The following CLASP2 variants were observed in gnomAD, a reference collection of about 807,000 sequenced individuals.
CLASP2 encodes cytoplasmic linker associated protein 2.
A neutral mutation model predicts 194.4 loss-of-function variants in CLASP2; 47 were observed. That is an observed-to-expected ratio of 0.24 (90% CI 0.19 to 0.31). The LOEUF is 0.31. Among genes scored for constraint, CLASP2 ranks in the 10% least tolerant of loss-of-function variants. The probability of loss-of-function intolerance (pLI) is 1.00; values close to 1 mark genes in which losing one functional copy is unlikely to be tolerated. For synonymous variants in CLASP2, 619 were observed against 633.5 expected (o/e 0.98, Z 0.34); for missense variants, 1,445 against 1,823.6 (o/e 0.79, Z 3.78).
At chr3:33,677,128 T>C (rs1439691744) in intron 6 of CLASP2, among the ~76,000 whole-genome samples, 4 of 152,012 alleles carry the variant, frequency 2.6e-5, no homozygotes, top group African/African-American at 4.8e-5. Context: ...AGTTCAACCA[T>C]TGTGGAAGTC....
At chr3:33,635,923 T>C (rs979344178) in intron 8 of CLASP2, among the ~76,000 whole-genome samples, 3 of 151,852 alleles carry the variant, frequency 2.0e-5, no homozygotes, top group Middle Eastern at 3.2e-3. Context: ...TTTCAAGTAA[T>C]TGAGGAAAAT....
intron 36 of CLASP2, 77 bp from the exon 37 acceptor site, chr3:33,510,841 A>C: frequency 7.9e-7 from 1 of 1,266,180 alleles, no homozygotes; most frequent in Non-Finnish European, 1.1e-6. Flanking sequence ...AAACTTCATG[A>C]AGTATTCAAT....
intron 30 of CLASP2, among the ~76,000 whole-genome samples, chr3:33,546,248 T>C (rs189992704): frequency 2.6e-5 from 4 of 152,344 alleles, no homozygotes; most frequent in Admixed American, 2.0e-4. Context: ...CCTTTCCTCA[T>C]GACTTGAAGT....
chr3:33,713,771 T>C (rs2093153032), intron 1 of CLASP2, among the ~76,000 whole-genome samples: 1 of 152,030 alleles, frequency 6.6e-6, no homozygotes, highest in Admixed American at 6.6e-5. Context: ...GCAGTCTCAA[T>C]ATCCTGGGCT....
chr3:33,705,115 T>C (rs1169135243), intron 1 of CLASP2, among the ~76,000 whole-genome samples: 2 of 152,208 alleles, frequency 1.3e-5, no homozygotes, highest in Non-Finnish European at 2.9e-5. Context: ...ACTGCAGCAT[T>C]ATTCACAATA....
intron 6 of CLASP2, chr3:33,683,289 T>C (rs1424663082): frequency 6.6e-6 from 1 of 152,166 alleles, no homozygotes; most frequent in Non-Finnish European, 1.5e-5. Flanking sequence ...TAAATGGTGA[T>C]AACATATATA....
intron 18 of CLASP2, among the ~76,000 whole-genome samples, 160 bp from the exon 19 acceptor site, chr3:33,596,894 C>A (rs1223644547): frequency 6.6e-6 from 1 of 152,104 alleles, no homozygotes; most frequent in Non-Finnish European, 1.5e-5. Flanking sequence ...GGAAATTAAA[C>A]CAGATGTGAG....
At chr3:33,673,377 C>G (rs930273960) in intron 6 of CLASP2, among the ~76,000 whole-genome samples, 1 of 152,174 alleles carries the variant, frequency 6.6e-6, no homozygotes, top group African/African-American at 2.4e-5. Context: ...AAATACTTTA[C>G]AGACAAGCAA....
intron 20 of CLASP2, among the ~76,000 whole-genome samples, chr3:33,594,240 A>C (rs1225069420): frequency 6.6e-6 from 1 of 152,178 alleles, no homozygotes; most frequent in Non-Finnish European, 1.5e-5. Flanking sequence ...TAAAAAAGTT[A>C]ATCTATTTGG....
chr3:33,498,427 A>C lies in CLASP2; in HGVS notation c.*204T>G. On this transcript the variant is annotated 3_prime_UTR_variant, in exon 39 of 39. Coordinates refer to ENST00000682230, the MANE Select transcript of CLASP2 (RefSeq NM_001365631.1). ...TTGATGTTAATACTGCTTCTTCTTG[A>C]ATTTGGAATAACTATCATAAAAGTT... The C allele has an allele frequency of 2.3e-6, 1 of 439,420 alleles. No homozygotes were observed. The highest frequency in any genetic ancestry group is 5.9e-4 in the Middle Eastern group (1 of 1,682). 27.2% of individuals were successfully genotyped at this position (439,420 alleles called of 1,614,324 possible).
At chr3:33,528,271 G>C (rs1479352598) in intron 34 of CLASP2, among the ~76,000 whole-genome samples, 1 of 152,128 alleles carries the variant, frequency 6.6e-6, no homozygotes, top group Non-Finnish European at 1.5e-5. Context: ...CAATAAGCTA[G>C]GTATTGAAGG....
chr3:33,651,612 C>T (rs1000019282), intron 7 of CLASP2, among the ~76,000 whole-genome samples: 16 of 149,136 alleles, frequency 1.1e-4, no homozygotes, highest in Non-Finnish European at 1.8e-4. Flanking sequence ...TTTCTCACTT[C>T]GGGAAAGACA....
chr3:33,577,970 A>G (rs1345310605), intron 23 of CLASP2, among the ~76,000 whole-genome samples: 1 of 152,222 alleles, frequency 6.6e-6, no homozygotes, highest in Non-Finnish European at 1.5e-5. Flanking sequence ...CTGTCATTTA[A>G]AAGTACATAA....
chr3:33,500,891 T>A (rs1324738892), intron 38 of CLASP2, among the ~76,000 whole-genome samples: 1 of 152,190 alleles, frequency 6.6e-6, no homozygotes, highest in African/African-American at 2.4e-5. Context: ...AGAACAAACT[T>A]CTAATTCAAA....
At chr3:33,697,028 A>G (rs937734906) in intron 1 of CLASP2, 95 bp from the exon 2 acceptor site, 2 of 725,574 alleles carry the variant, frequency 2.8e-6, no homozygotes, top group Non-Finnish European at 4.6e-6. Flanking sequence ...CTTCATAAAT[A>G]TATTACATTT....
intron 23 of CLASP2, among the ~76,000 whole-genome samples, chr3:33,580,247 C>T (rs1021165183): frequency 6.6e-6 from 1 of 152,054 alleles, no homozygotes; most frequent in African/African-American, 2.4e-5. Context: ...CCAAATGGCC[C>T]AGAGAATGAG....
At chr3:33,549,096 T>G (rs2059606957) in intron 30 of CLASP2, among the ~76,000 whole-genome samples, 1 of 152,140 alleles carries the variant, frequency 6.6e-6, no homozygotes. Flanking sequence ...CCAGCACATT[T>G]GTAATTCCAG....
intron 37 of CLASP2, chr3:33,503,204 G>A (rs1436560512): frequency 6.6e-6 from 1 of 152,144 alleles, no homozygotes; most frequent in Non-Finnish European, 1.5e-5. Flanking sequence ...GAATAGGAAT[G>A]TAATATTTAT....
chr3:33,529,783 C>T (rs1437357227), intron 34 of CLASP2, among the ~76,000 whole-genome samples: 1 of 151,778 alleles, frequency 6.6e-6, no homozygotes, highest in African/African-American at 2.4e-5. Flanking sequence ...AGATCGAGAC[C>T]ATCCTGGCTA....
Sources: gnomAD v4.1 joint callset for allele counts (sites outside exome capture counted in the v4.1 genomes callset) on GRCh38, gnomAD v4.1.1 for gene constraint, MANE v1.5 for transcripts, NCBI Gene and HGNC (gene_info 2026-07-23, HGNC 2026-07-21) for gene names.